NPAS3: variants seen among roughly 807,000 people sequenced by gnomAD.
NPAS3 encodes the protein neuronal PAS domain protein 3.
NPAS3 carries 14 observed loss-of-function variants against 73.1 expected under a neutral mutation model. The observed-to-expected ratio is 0.19, with a 90% CI of 0.13 to 0.30. NPAS3 has a LOEUF of 0.30. Among genes scored for constraint, NPAS3 ranks in the 10% least tolerant of loss-of-function variants. The pLI is 1.00. For synonymous variants in NPAS3, 620 were observed against 541.5 expected, an observed-to-expected ratio of 1.14 and a Z score of -2.01; for missense variants, 1,096 against 1,250.0, an observed-to-expected ratio of 0.88 and a Z score of 1.86.
intron 4 of NPAS3, among the ~76,000 whole-genome samples, chr14:33,464,465 A>C (rs1403795568): frequency 6.6e-6 from 1 of 152,176 alleles, no homozygotes. Flanking sequence ...TTAATACCAA[A>C]GCATCGGTGA....
At chr14:33,351,884 C>T (rs1039917741) in intron 3 of NPAS3, among the ~76,000 whole-genome samples, 4 of 152,046 alleles carry the variant, frequency 2.6e-5, no homozygotes, top group African/African-American at 9.7e-5. Context: ...GCAATACACA[C>T]CGGGGCCTGT....
chr14:33,246,979 G>A (rs551456087), intron 3 of NPAS3, among the ~76,000 whole-genome samples: 3 of 151,296 alleles, frequency 2.0e-5, no homozygotes, highest in Admixed American at 6.6e-5. Flanking sequence ...ATGTTATTGC[G>A]CTCCCACCTG....
intron 2 of NPAS3, among the ~76,000 whole-genome samples, chr14:33,111,915 G>A (rs1330752634): frequency 2.6e-5 from 4 of 151,332 alleles, no homozygotes; most frequent in South Asian, 2.1e-4. Context: ...GAGAACATGC[G>A]GTGTTTGGTT....
chr14:33,632,731 G>A (rs182607326), intron 5 of NPAS3, among the ~76,000 whole-genome samples: 290 of 152,314 alleles, frequency 1.9e-3, no homozygotes, highest in African/African-American at 6.3e-3. Context: ...CATTCATGCA[G>A]AGGAAACGCT....
At chr14:33,404,222 T>C (rs983958739) in intron 4 of NPAS3, among the ~76,000 whole-genome samples, 9 of 152,154 alleles carry the variant, frequency 5.9e-5, no homozygotes, top group South Asian at 2.1e-4. Context: ...AAGTCCTTCA[T>C]TGAGGTGTGA....
At chr14:33,321,421 T>C (rs192569257) in intron 3 of NPAS3, among the ~76,000 whole-genome samples, 26 of 152,174 alleles carry the variant, frequency 1.7e-4, no homozygotes, top group Non-Finnish European at 2.1e-4. Context: ...GGGTAAGGCA[T>C]ATCTCTATCG....
chr14:33,293,202 C>T (rs2042168219), intron 3 of NPAS3, among the ~76,000 whole-genome samples: 1 of 151,932 alleles, frequency 6.6e-6, no homozygotes. Flanking sequence ...GATGAAAAAT[C>T]TTAAGATATA....
chr14:33,290,874 G>C (rs960150214), intron 3 of NPAS3, among the ~76,000 whole-genome samples: 4 of 152,132 alleles, frequency 2.6e-5, no homozygotes, highest in Non-Finnish European at 5.9e-5. Flanking sequence ...AGTTTAAAGC[G>C]GCAGCATAAT....
intron 2 of NPAS3, among the ~76,000 whole-genome samples, chr14:33,101,358 A>G (rs2042571513): frequency 6.6e-6 from 1 of 152,194 alleles, no homozygotes; most frequent in Non-Finnish European, 1.5e-5. Context: ...TTTAGGGGAA[A>G]AAAGAGTGCA....
chr14:33,263,755 A>T (rs1464938613), intron 3 of NPAS3, among the ~76,000 whole-genome samples: 8 of 152,192 alleles, frequency 5.3e-5, no homozygotes, highest in Non-Finnish European at 7.3e-5. Context: ...ACCCATGAGC[A>T]TGGAATGTTG....
chr14:33,598,406 A>G (rs2057306906), intron 5 of NPAS3, among the ~76,000 whole-genome samples: 2 of 152,202 alleles, frequency 1.3e-5, no homozygotes, highest in African/African-American at 2.4e-5. Context: ...TGATGTGTGT[A>G]TATGTGAATA....
At chr14:33,303,986 C>T (rs2042657611) in intron 3 of NPAS3, among the ~76,000 whole-genome samples, 1 of 152,146 alleles carries the variant, frequency 6.6e-6, no homozygotes, top group South Asian at 2.1e-4. Flanking sequence ...CGGCTCACTG[C>T]AAGCTCCACC....
chr14:33,528,721 A>G (rs2140157113), intron 4 of NPAS3, among the ~76,000 whole-genome samples: 1 of 152,264 alleles, frequency 6.6e-6, no homozygotes, highest in South Asian at 2.1e-4. Context: ...GAGTCCTATA[A>G]CAAAGTAATG....
intron 3 of NPAS3, among the ~76,000 whole-genome samples, chr14:33,227,723 C>A (rs957617965): frequency 6.6e-6 from 1 of 152,118 alleles, no homozygotes; most frequent in Non-Finnish European, 1.5e-5. Flanking sequence ...TTTTGACTTT[C>A]AACATTTGGA....
At chr14:33,486,441 T>C (rs1451096649) in intron 4 of NPAS3, among the ~76,000 whole-genome samples, 1 of 152,202 alleles carries the variant, frequency 6.6e-6, no homozygotes, top group Non-Finnish European at 1.5e-5. Context: ...TTTACTTAAC[T>C]ACTCAAATCA....
intron 4 of NPAS3, among the ~76,000 whole-genome samples, chr14:33,479,403 G>A (rs78983520): frequency 0.011 from 1,635 of 152,222 alleles, 17 homozygotes; most frequent in Non-Finnish European, 0.016. Context: ...GAGGTCCCTA[G>A]TGAAGACAGG....
intron 2 of NPAS3, among the ~76,000 whole-genome samples, chr14:33,166,080 C>G (rs567002141): frequency 1.3e-5 from 2 of 152,170 alleles, no homozygotes; most frequent in Admixed American, 6.5e-5. Flanking sequence ...CCACTACTGT[C>G]GGTGCTGTGC....
rs999755257 is a variant in NPAS3, at chr14:33,136,102, T to G, written c.141-79080T>G. Among the ~76,000 whole-genome samples the G allele has an allele frequency of 2.1e-5, 3 of 144,766 alleles. No individual in the cohort carries two copies. The South Asian group carries it at 6.7e-4, about 32-fold the overall frequency. 95.0% of individuals were successfully genotyped at this position (144,766 alleles called of 152,430 possible). A position where few individuals can be genotyped will look rare whatever the true frequency, so the allele number is the denominator to read the frequency against. On this transcript the variant is annotated intron_variant, in intron 2 of 11. Transcript: ENST00000356141. Reference sequence around the variant, plus strand: ...TTGAGACAGAGTCTCGCTCTGTTACTCAGGCTGGAGTGTGGTAGCGCGATC... The same window carrying G: ...TTGAGACAGAGTCTCGCTCTGTTACGCAGGCTGGAGTGTGGTAGCGCGATC...
intron 4 of NPAS3, among the ~76,000 whole-genome samples, chr14:33,381,878 T>G (rs1030388736): frequency 7.2e-5 from 11 of 152,258 alleles, no homozygotes; most frequent in African/African-American, 2.6e-4. Flanking sequence ...TGCTGACCAT[T>G]TTGTTGTCTC....
Sources: gnomAD v4.1 joint callset for allele counts (sites outside exome capture counted in the v4.1 genomes callset) on GRCh38, gnomAD v4.1.1 for gene constraint, MANE v1.5 for transcripts, NCBI Gene and HGNC (gene_info 2026-07-23, HGNC 2026-07-21) for gene names.